RBFOX1: variants seen among roughly 807,000 people sequenced by gnomAD.
RBFOX1 encodes the protein RNA binding fox-1 homolog 1, also known as RNA binding protein fox-1 homolog 1.
RBFOX1 carries 8 observed loss-of-function variants against 57.7 expected under a neutral mutation model. That is an observed-to-expected ratio of 0.14 (90% confidence interval 0.08 to 0.25). The LOEUF (loss-of-function observed/expected upper bound fraction) is 0.25. Ranked by LOEUF, RBFOX1 falls within the 10% of genes least tolerant of loss-of-function variation. RBFOX1 has a pLI of 1.00. For missense variants in RBFOX1, 611 were observed against 548.5 expected, an observed-to-expected ratio of 1.11 and a Z score of -1.14; for synonymous variants, 326 against 222.4, an observed-to-expected ratio of 1.47 and a Z score of -4.15.
chr16:6,865,043 C>T (rs1441963228), intron 3 of RBFOX1, among the ~76,000 whole-genome samples: 23 of 115,030 alleles, frequency 2.0e-4, no homozygotes, highest in African/African-American at 8.5e-4. Flanking sequence ...GCTCTTGTCA[C>T]CCAGGCTGGA....
chr16:5,724,809 C>A (rs1007372678), intron 3 of RBFOX1, among the ~76,000 whole-genome samples: 1 of 152,182 alleles, frequency 6.6e-6, no homozygotes, highest in African/African-American at 2.4e-5. Flanking sequence ...ATATCTACAC[C>A]AGCCCACTAA....
chr16:6,865,620 C>T (rs1048569505), intron 3 of RBFOX1, among the ~76,000 whole-genome samples: 1 of 152,116 alleles, frequency 6.6e-6, no homozygotes, highest in South Asian at 2.1e-4. Flanking sequence ...TAATAAGATA[C>T]TATGGACTGA....
chr16:6,747,584 G>T (rs2074012771), intron 3 of RBFOX1, among the ~76,000 whole-genome samples: 1 of 152,120 alleles, frequency 6.6e-6, no homozygotes, highest in South Asian at 2.1e-4. Context: ...GATATTTTTA[G>T]TATCTTCTAT....
At chr16:5,390,232 A>T (rs2066367166) in intron 1 of RBFOX1, among the ~76,000 whole-genome samples, 1 of 151,750 alleles carries the variant, frequency 6.6e-6, no homozygotes, top group Non-Finnish European at 1.5e-5. Context: ...ATGCTATTTT[A>T]TAAAATATAT....
chr16:6,246,683 T>A lies in RBFOX1; in HGVS notation c.-126-70312T>A, dbSNP rs148089584. ...TGTCACAGTCATCTATGGAGGCAAG[T>A]GTCAGACTTTGTGTTAGTATAACTG... On this transcript the variant is annotated intron_variant, in intron 1 of 15. Coordinates refer to ENST00000550418, the MANE Select transcript of RBFOX1 (RefSeq NM_018723.4). Among the ~76,000 whole-genome samples the A allele has an allele frequency of 1.2e-3, 184 of 152,324 alleles. 2 individuals carry two copies. Among genetic ancestry groups the A allele is most frequent in the Middle Eastern group, 3.4e-3 (1 of 294 alleles).
chr16:5,710,660 G>A (rs2051451609), intron 3 of RBFOX1, among the ~76,000 whole-genome samples: 1 of 152,198 alleles, frequency 6.6e-6, no homozygotes. Flanking sequence ...GCAGTGGAGT[G>A]AGTGAAGGAA....
intron 3 of RBFOX1, among the ~76,000 whole-genome samples, chr16:6,832,554 G>A (rs942595399): frequency 1.3e-5 from 2 of 152,140 alleles, no homozygotes; most frequent in South Asian, 2.1e-4. Context: ...AATGTCTTGG[G>A]GTCTCAGGGG....
At chr16:7,316,642 G>A (rs1254183802) in intron 4 of RBFOX1, among the ~76,000 whole-genome samples, 3 of 152,170 alleles carry the variant, frequency 2.0e-5, no homozygotes, top group Non-Finnish European at 2.9e-5. Flanking sequence ...CTTGCCAGGT[G>A]TGATAAATGC....
chr16:7,501,085 T>C (rs1212393906), intron 4 of RBFOX1, among the ~76,000 whole-genome samples: 2 of 152,212 alleles, frequency 1.3e-5, no homozygotes, highest in African/African-American at 4.8e-5. Context: ...TCAACCTCTT[T>C]CCTTTATAAA....
intron 2 of RBFOX1, among the ~76,000 whole-genome samples, chr16:5,533,985 A>G (rs533750512): frequency 5.3e-5 from 8 of 152,258 alleles, no homozygotes; most frequent in African/African-American, 1.7e-4. Flanking sequence ...TTCGGAGGCT[A>G]TGTTGCCAGG....
intron 4 of RBFOX1, among the ~76,000 whole-genome samples, chr16:7,124,338 C>CAGG (rs1284835477): frequency 6.6e-6 from 1 of 152,100 alleles, no homozygotes; most frequent in Admixed American, 6.5e-5. Context: ...CCCTTGAGTT[C>CAGG]AGGAGGTTGA....
intron 3 of RBFOX1, among the ~76,000 whole-genome samples, chr16:6,793,466 C>G (rs74007049): frequency 0.029 from 4,475 of 152,208 alleles, 201 homozygotes; most frequent in African/African-American, 0.095. Context: ...ATCTCAGTGT[C>G]TCAGTGGACA....
At chr16:5,383,476 C>T (rs1489011777) in intron 1 of RBFOX1, among the ~76,000 whole-genome samples, 1 of 152,204 alleles carries the variant, frequency 6.6e-6, no homozygotes, top group African/African-American at 2.4e-5. Context: ...TAAGCACCAA[C>T]TGCATGCATG....
At chr16:5,304,400 G>A (rs1428053906) in intron 1 of RBFOX1, among the ~76,000 whole-genome samples, 3 of 152,168 alleles carry the variant, frequency 2.0e-5, no homozygotes, top group African/African-American at 7.2e-5. Context: ...CCTTGGAAGA[G>A]CTCTTTTTCC....
rs538985746 is a variant in RBFOX1, at chr16:6,468,168, T to A, written c.-64+151111T>A. On this transcript the variant is annotated intron_variant, in intron 2 of 15. Transcript: ENST00000550418. ...TGGGATAGAATTCTAACACCTCCAGTATAATGGCAGGAGGAGGAATGGTTA... is the reference window on the plus strand; with the variant it reads ...TGGGATAGAATTCTAACACCTCCAGAATAATGGCAGGAGGAGGAATGGTTA... 7.2e-5 allele frequency among the ~76,000 whole-genome samples: 11 copies of A among 152,252 alleles called. No individual in the cohort carries two copies. The South Asian group carries it at 2.3e-3, about 32-fold the overall frequency.
At chr16:7,348,227 C>G (rs868384967) in intron 4 of RBFOX1, among the ~76,000 whole-genome samples, 2 of 152,124 alleles carry the variant, frequency 1.3e-5, no homozygotes. Flanking sequence ...AATCCGCTAC[C>G]CAAAAATGCC....
intron 1 of RBFOX1, among the ~76,000 whole-genome samples, chr16:5,282,543 G>C (rs1284309903): frequency 1.3e-5 from 2 of 152,188 alleles, no homozygotes; most frequent in African/African-American, 4.8e-5. Context: ...CTGAGGTTGT[G>C]TCAGATGGAA....
chr16:6,532,345 G>T (rs1008325381), intron 2 of RBFOX1, among the ~76,000 whole-genome samples: 1 of 152,142 alleles, frequency 6.6e-6, no homozygotes, highest in Non-Finnish European at 1.5e-5. Context: ...CATAGAGAAG[G>T]TCGATTTCTA....
intron 1 of RBFOX1, among the ~76,000 whole-genome samples, chr16:6,030,064 C>A (rs532589549): frequency 6.6e-6 from 1 of 152,212 alleles, no homozygotes; most frequent in South Asian, 2.1e-4. Flanking sequence ...GCATGTGCCA[C>A]CAAGCCTGGC....
Sources: gnomAD v4.1 joint callset for allele counts (sites outside exome capture counted in the v4.1 genomes callset) on GRCh38, gnomAD v4.1.1 for gene constraint, MANE v1.5 for transcripts, NCBI Gene and HGNC (gene_info 2026-07-23, HGNC 2026-07-21) for gene names.